MAPK10: variants seen among roughly 807,000 people sequenced by gnomAD.
MAPK10 encodes mitogen-activated protein kinase 10, also known as JNK3 alpha protein kinase.
Under a neutral mutation model 59.3 loss-of-function variants are expected in MAPK10, and 25 were observed. The ratio of observed to expected loss-of-function variants is 0.42; its 90% CI spans 0.31 to 0.59. The LOEUF (loss-of-function observed/expected upper bound fraction) is 0.59, where lower values mean the gene tolerates loss of function less well. Ranked by LOEUF, MAPK10 falls within the 20% of genes least tolerant of loss-of-function variation. MAPK10 has a pLI of 0.15. For synonymous variants in MAPK10, 190 were observed against 200.5 expected (o/e 0.95, Z 0.44); for missense variants, 351 against 568.9 (o/e 0.62, Z 3.90).
rs200128218 is a variant in MAPK10, at chr4:86,236,778, G to A, written c.-6-42371C>T. Among the ~76,000 whole-genome samples the A allele has an allele frequency of 2.6e-5, 4 of 152,248 alleles. No individual in the cohort carries two copies. In the East Asian group the frequency reaches 7.7e-4, roughly 29 times the overall value. ...AGATAAGGATGTGAGTAAAAGCAGG[G>A]AAGAAGGTGAATGATGAATAATAGC... On this transcript the variant is annotated intron_variant, in intron 2 of 13. Transcript: ENST00000641462.
chr4:86,404,871 CT>C (rs1390055028), intron 1 of MAPK10, among the ~76,000 whole-genome samples: 1 of 152,130 alleles, frequency 6.6e-6, no homozygotes, highest in Admixed American at 6.5e-5. Context: ...ATTCAAACCC[CT>C]AGGCTATAAT....
intron 1 of MAPK10, among the ~76,000 whole-genome samples, chr4:86,525,161 G>A (rs1757387126): frequency 6.6e-6 from 1 of 152,100 alleles, no homozygotes; most frequent in Non-Finnish European, 1.5e-5. Context: ...GCCAGGAGTG[G>A]TGGTGCCCTC....
chr4:86,423,793 A>ATATATATATATATATATATATATATG (rs1564842450), intron 1 of MAPK10, among the ~76,000 whole-genome samples: 1 of 146,288 alleles, frequency 6.8e-6, no homozygotes, highest in African/African-American at 2.5e-5. Context: ...ATATATATAT[A>ATATATATATATATATATATATATATG]TATGTTTAGG....
At chr4:86,100,180 C>T (rs1460491823) in intron 8 of MAPK10, 2 of 152,094 alleles carry the variant, frequency 1.3e-5, no homozygotes, top group Non-Finnish European at 2.9e-5. Flanking sequence ...ATTAAAGATA[C>T]ACTGAATACA....
rs555164245 is a variant in MAPK10, at chr4:86,016,449, A to G, written c.*779T>C. ...GTTACCCACTCGCCCCACACTTTAC[A>G]TAAGTATCACATATGTTCTTTCTAC... On this transcript the variant is annotated 3_prime_UTR_variant, in exon 14 of 14. Coordinates refer to ENST00000641462, the MANE Select transcript of MAPK10 (RefSeq NM_138982.4). 6.5e-6 allele frequency: 1 copy of G among 152,710 alleles called. No homozygotes were observed. Among genetic ancestry groups the G allele is most frequent in the East Asian group, 1.9e-4 (1 of 5,184 alleles). 9.5% of individuals were successfully genotyped at this position (152,710 alleles called of 1,614,324 possible). A position where few individuals can be genotyped will look rare whatever the true frequency, so the allele number is the denominator to read the frequency against.
At chr4:86,552,278 A>G (rs991522608) in intron 1 of MAPK10, among the ~76,000 whole-genome samples, 44 of 151,710 alleles carry the variant, frequency 2.9e-4, no homozygotes, top group African/African-American at 1.1e-3. Flanking sequence ...AAAATTAGCC[A>G]GGCGTGGAGG....
Position 86,210,537 on chromosome 4 carries a change from A to G in MAPK10, c.-6-16130T>C, listed in dbSNP as rs528015190. ...TGCTTTATTTGTAACACAAAGGATA[A>G]ATGCTTGAGGTGATGGATACCCTAT... On this transcript the variant is annotated intron_variant, in intron 2 of 13. Coordinates refer to ENST00000641462, the MANE Select transcript of MAPK10 (RefSeq NM_138982.4). Among the ~76,000 whole-genome samples, 5 of 152,182 alleles carry G rather than the reference A, an allele frequency of 3.3e-5. No individual in the cohort carries two copies. The East Asian group carries it at 9.7e-4, about 29-fold the overall frequency.
intron 1 of MAPK10, among the ~76,000 whole-genome samples, chr4:86,537,698 G>A (rs1247150885): frequency 1.3e-5 from 2 of 152,080 alleles, no homozygotes; most frequent in Non-Finnish European, 2.9e-5. Flanking sequence ...ATTGCTTTTT[G>A]AGATTCTTTA....
intron 1 of MAPK10, among the ~76,000 whole-genome samples, chr4:86,414,005 C>T (rs1290829344): frequency 6.6e-6 from 1 of 152,206 alleles, no homozygotes; most frequent in Admixed American, 6.5e-5. Flanking sequence ...GTGTCAATCT[C>T]ACTGGGAGCT....
intron 3 of MAPK10, among the ~76,000 whole-genome samples, chr4:86,161,562 C>T (rs556413525): frequency 7.1e-6 from 1 of 139,892 alleles, no homozygotes; most frequent in Admixed American, 7.6e-5. Context: ...TAGAATATAA[C>T]ATGAATTCAT....
intron 3 of MAPK10, among the ~76,000 whole-genome samples, chr4:86,189,612 T>C (rs754314715): frequency 2.6e-5 from 4 of 152,234 alleles, no homozygotes; most frequent in Admixed American, 6.5e-5. Flanking sequence ...TCTTGAGACT[T>C]TGCTGAAGTT....
intron 1 of MAPK10, among the ~76,000 whole-genome samples, chr4:86,413,077 A>ATGGGGTTT: frequency 6.6e-6 from 1 of 152,128 alleles, no homozygotes; most frequent in Middle Eastern, 3.4e-3. Context: ...TGACCTACAG[A>ATGGGGTTT]TGGGGTTTTG....
intron 3 of MAPK10, among the ~76,000 whole-genome samples, chr4:86,185,561 A>G (rs2078008025): frequency 6.6e-6 from 1 of 152,126 alleles, no homozygotes. Flanking sequence ...CATGATCTCA[A>G]TTATTTTTCA....
chr4:86,224,274 A>G (rs1451547029), intron 2 of MAPK10, among the ~76,000 whole-genome samples: 3 of 152,232 alleles, frequency 2.0e-5, no homozygotes, highest in Non-Finnish European at 2.9e-5. Flanking sequence ...TGCCATTTTA[A>G]GAAATGTAAA....
At chr4:86,185,853 A>G (rs1263085594) in intron 3 of MAPK10, among the ~76,000 whole-genome samples, 2 of 152,122 alleles carry the variant, frequency 1.3e-5, no homozygotes, top group African/African-American at 4.8e-5. Flanking sequence ...TGGGAAGAGT[A>G]ATTTTAGAGG....
intron 1 of MAPK10, among the ~76,000 whole-genome samples, chr4:86,585,022 T>C (rs375711515): frequency 6.6e-6 from 1 of 152,170 alleles, no homozygotes; most frequent in East Asian, 1.9e-4. Flanking sequence ...TGAGAAGACT[T>C]TCCCATTAAG....
chr4:86,205,713 T>A (rs66544335), intron 2 of MAPK10, among the ~76,000 whole-genome samples: 1 of 151,772 alleles, frequency 6.6e-6, no homozygotes, highest in Non-Finnish European at 1.5e-5. Context: ...AAAGAAAAAT[T>A]CTTGTCATAT....
At chr4:86,419,906 A>C (rs1746296210) in intron 1 of MAPK10, among the ~76,000 whole-genome samples, 1 of 152,234 alleles carries the variant, frequency 6.6e-6, no homozygotes, top group Non-Finnish European at 1.5e-5. Context: ...AGAACTTGCA[A>C]CTATATCTTA....
At chr4:86,180,481 G>C (rs1276049638) in intron 3 of MAPK10, among the ~76,000 whole-genome samples, 1 of 140,306 alleles carries the variant, frequency 7.1e-6, no homozygotes, top group Non-Finnish European at 1.5e-5. Context: ...CCACTACTGG[G>C]TGTTCATCAA....
Sources: gnomAD v4.1 joint callset for allele counts (sites outside exome capture counted in the v4.1 genomes callset) on GRCh38, gnomAD v4.1.1 for gene constraint, MANE v1.5 for transcripts, NCBI Gene and HGNC (gene_info 2026-07-23, HGNC 2026-07-21) for gene names.